BCL2L14: variants seen among roughly 807,000 people sequenced by gnomAD.
BCL2L14 encodes the protein BCL2 like 14.
A neutral mutation model predicts 35.3 loss-of-function variants in BCL2L14; 27 were observed. The observed-to-expected ratio is 0.76, with a 90% confidence interval of 0.56 to 1.05. BCL2L14 has a LOEUF of 1.05. BCL2L14 is among the 50% of genes least tolerant of loss of function. The pLI is 0.00. For synonymous variants in BCL2L14, 139 were observed against 145.9 expected (o/e 0.95, Z 0.34); for missense variants, 377 against 382.6 (o/e 0.99, Z 0.12).
intron 2 of BCL2L14, among the ~76,000 whole-genome samples, chr12:12,061,678 C>G (rs2136716114): frequency 6.6e-6 from 1 of 152,286 alleles, no homozygotes; most frequent in South Asian, 2.1e-4. Flanking sequence ...TCATCCTAGC[C>G]TCTCTTCGCT....
rs1179590975 is a variant in BCL2L14, at chr12:12,095,163, G to C, written c.945+233G>C. ...AGGGTATGCAGGGTATGTGTGGATGGAAAGGGACTGGTCAGATGGAACAGG... is the reference window on the plus strand; with the variant it reads ...AGGGTATGCAGGGTATGTGTGGATGCAAAGGGACTGGTCAGATGGAACAGG... On this transcript the variant is annotated intron_variant, in intron 5 of 5. Coordinates refer to ENST00000308721, the MANE Select transcript of BCL2L14 (RefSeq NM_138723.2). The C allele has an allele frequency of 4.1e-6, 4 of 985,174 alleles. No homozygotes were observed. In the East Asian group the frequency reaches 3.4e-4, roughly 84 times the overall value. 61.0% of individuals were successfully genotyped at this position (985,174 alleles called of 1,614,324 possible).
At chr12:12,064,408 G>C (rs1054044030) in intron 2 of BCL2L14, among the ~76,000 whole-genome samples, 2 of 61,348 alleles carry the variant, frequency 3.3e-5, no homozygotes, top group South Asian at 6.3e-4. Context: ...CACCCAAAAG[G>C]TGTGAGCTAC....
chr12:12,090,567 A>C (rs1424522132), intron 3 of BCL2L14, among the ~76,000 whole-genome samples: 1 of 151,984 alleles, frequency 6.6e-6, no homozygotes, highest in African/African-American at 2.4e-5. Flanking sequence ...TGGGAGGCAG[A>C]GGTTGCAGTG....
intron 2 of BCL2L14, among the ~76,000 whole-genome samples, chr12:12,061,402 G>C (rs2448042): frequency 7.0e-6 from 1 of 142,820 alleles, no homozygotes; most frequent in Non-Finnish European, 1.6e-5. Flanking sequence ...GCTTTAAAAG[G>C]ATTAAAGCCT....
At chr12:12,092,853 A>G (rs1298273170) in intron 4 of BCL2L14, among the ~76,000 whole-genome samples, 2 of 152,126 alleles carry the variant, frequency 1.3e-5, no homozygotes, top group Non-Finnish European at 2.9e-5. Flanking sequence ...CATCTGACTC[A>G]TCCCCCAGAT....
At chr12:12,060,826 A>G (rs1290254245) in intron 2 of BCL2L14, among the ~76,000 whole-genome samples, 1 of 130,782 alleles carries the variant, frequency 7.6e-6, no homozygotes, top group Non-Finnish European at 1.6e-5. Flanking sequence ...AGGCTCTCTG[A>G]CTGACTCCTT....
intron 2 of BCL2L14, among the ~76,000 whole-genome samples, chr12:12,063,736 A>T (rs1797649): frequency 0.83 from 125,479 of 152,082 alleles, 51,871 homozygotes; most frequent in East Asian, 0.92. Flanking sequence ...CTGCACGTAC[A>T]CATCCAGATG....
At chr12:12,086,961 A>G (rs1277610198) in intron 2 of BCL2L14, among the ~76,000 whole-genome samples, 1 of 152,200 alleles carries the variant, frequency 6.6e-6, no homozygotes, top group Non-Finnish European at 1.5e-5. Flanking sequence ...ATTTTGCAAG[A>G]CTTCAAAAAG....
At chr12:12,079,041 C>T (rs932778424) in intron 1 of BCL2L14, among the ~76,000 whole-genome samples, 1 of 152,160 alleles carries the variant, frequency 6.6e-6, no homozygotes, top group African/African-American at 2.4e-5. Context: ...ATGATCTGCC[C>T]GCCTTGGCCT....
chr12:12,050,302 G>A (rs554146786), intron 1 of BCL2L14, among the ~76,000 whole-genome samples: 3 of 151,970 alleles, frequency 2.0e-5, no homozygotes, highest in African/African-American at 4.8e-5. Flanking sequence ...GCGTGGTGGC[G>A]GGCGCATGTA....
chr12:12,066,757 C>G (rs1037420138), upstream of BCL2L14, among the ~76,000 whole-genome samples: 2 of 151,672 alleles, frequency 1.3e-5, no homozygotes, highest in Non-Finnish European at 2.9e-5. Flanking sequence ...GCTCTGTCGC[C>G]CAGGCTGGAG....
rs1393763373 is a variant in BCL2L14 at position 12,098,983 on chromosome 12, G to A, written c.979G>A (p.Asp327Asn). The change falls in exon 6 of 6, where the codon GAC (aspartate) becomes AAC (asparagine). Residue 327 changes from aspartate to asparagine, a missense_variant. Asp to Asn is a conservative substitution (Grantham distance 23, BLOSUM62 1). Coordinates refer to ENST00000308721, the MANE Select transcript of BCL2L14 (RefSeq NM_138723.2). Reference sequence around the variant, plus strand: ...ACTTGGGATATCACATGAAGAAGTAGACTGAAATATCAGATTTGTCATCAG... The same window carrying A: ...ACTTGGGATATCACATGAAGAAGTAAACTGAAATATCAGATTTGTCATCAG... ...KILGISHEEV[D>N] 1.2e-6 allele frequency: 2 copies of A among 1,601,742 alleles called. No homozygotes were observed. Among genetic ancestry groups the A allele is most frequent in the Non-Finnish European group, 1.7e-6 (2 of 1,168,838 alleles).
In BCL2L14 at chr12:12,062,022, T is replaced by A. The variant is rs536063490; in HGVS notation, c.-272+10175T>A. Among the ~76,000 whole-genome samples, 5 of 152,220 alleles carry A rather than the reference T, an allele frequency of 3.3e-5. No individual in the cohort carries two copies. In the South Asian group the frequency reaches 1.0e-3, roughly 32 times the overall value. On this transcript the variant is annotated intron_variant, in intron 2 of 3. Coordinates refer to the BCL2L14 transcript ENST00000461264. ...CCTTACTGTTTTAGCCTAGCCCTCATGTCTCCGTGCAGTGGCTGCTGCCGC... is the reference window on the plus strand; with the variant it reads ...CCTTACTGTTTTAGCCTAGCCCTCAAGTCTCCGTGCAGTGGCTGCTGCCGC...
At chr12:12,077,123 G>A (rs1948798073) in intron 1 of BCL2L14, among the ~76,000 whole-genome samples, 1 of 152,246 alleles carries the variant, frequency 6.6e-6, no homozygotes, top group East Asian at 1.9e-4. Flanking sequence ...AGAAAAAGAG[G>A]AACATGCCAG....
chr12:12,065,535 C>CAAA (rs138173926), intron 2 of BCL2L14, among the ~76,000 whole-genome samples: 1 of 126,740 alleles, frequency 7.9e-6, no homozygotes. Flanking sequence ...GACTCCATCT[C>CAAA]AAAAAAAAAA....
intron 2 of BCL2L14, among the ~76,000 whole-genome samples, chr12:12,065,794 AT>A (rs35435604): frequency 0.066 from 9,224 of 139,702 alleles, 266 homozygotes; most frequent in Middle Eastern, 0.078. Flanking sequence ...CTTTGTTTCT[AT>A]TTTTTTTTTT....
chr12:12,079,816 ATGT>A, intron 2 of BCL2L14, 78 bp downstream of exon 2: 8 of 1,445,472 alleles, frequency 5.5e-6, no homozygotes, highest in Non-Finnish European at 7.5e-6. Context: ...ATCTCTTCTC[ATGT>A]TGTAAAGTGG....
intron 2 of BCL2L14, among the ~76,000 whole-genome samples, chr12:12,054,073 C>T (rs1948396289): frequency 6.6e-6 from 1 of 152,174 alleles, no homozygotes; most frequent in African/African-American, 2.4e-5. Flanking sequence ...TTGTGCCAGA[C>T]ACCCTGCTAC....
intron 2 of BCL2L14, among the ~76,000 whole-genome samples, chr12:12,084,293 C>T (rs1270107469): frequency 6.6e-6 from 1 of 152,126 alleles, no homozygotes; most frequent in African/African-American, 2.4e-5. Context: ...TTGAAACTGC[C>T]CCCAGCTTCT....
Sources: gnomAD v4.1 joint callset for allele counts (sites outside exome capture counted in the v4.1 genomes callset) on GRCh38, gnomAD v4.1.1 for gene constraint, MANE v1.5 for transcripts, NCBI Gene and HGNC (gene_info 2026-07-23, HGNC 2026-07-21) for gene names.